The following SH3D19 variants were observed in gnomAD, a reference collection of about 807,000 sequenced individuals.
SH3D19 encodes the protein SH3 domain-containing protein 19.
A neutral mutation model predicts 112.1 loss-of-function variants in SH3D19; 58 were observed. The ratio of observed to expected loss-of-function variants is 0.52; its 90% CI spans 0.42 to 0.64. The LOEUF (loss-of-function observed/expected upper bound fraction) is 0.64. Among genes scored for constraint, SH3D19 ranks in the 30% least tolerant of loss-of-function variants. SH3D19 has a pLI of 0.00. For synonymous variants in SH3D19, 391 were observed against 448.5 expected (o/e 0.87, Z 1.62); for missense variants, 1,090 against 1,263.4 (o/e 0.86, Z 2.08).
chr4:151,313,170 G>A (rs1032338009), intron 1 of SH3D19, among the ~76,000 whole-genome samples: 2 of 151,426 alleles, frequency 1.3e-5, no homozygotes. Context: ...ATCTCCAGGT[G>A]ATCTGTAGGC....
chr4:151,217,262 T>C (rs1767284274), intron 2 of SH3D19, among the ~76,000 whole-genome samples: 1 of 152,200 alleles, frequency 6.6e-6, no homozygotes, highest in Non-Finnish European at 1.5e-5. Context: ...ATCTTTTGCT[T>C]TTAGCTAATC....
In SH3D19 at chr4:151,133,451, C is replaced by T. The variant is rs1439616028; in HGVS notation, c.2487-215G>A. Reference sequence around the variant, plus strand: ...TCAGAAAGGCTGAAGCTCAAGGTCGCGGAGTGCACGCAGCTGGGTGGTTAG... The same window carrying T: ...TCAGAAAGGCTGAAGCTCAAGGTCGTGGAGTGCACGCAGCTGGGTGGTTAG... On this transcript the variant is annotated intron_variant, in intron 15 of 19. Coordinates refer to ENST00000604030, the MANE Select transcript of SH3D19 (RefSeq NM_001378122.1). Among the ~76,000 whole-genome samples the T allele has an allele frequency of 5.3e-5, 8 of 152,086 alleles. No individual in the cohort carries two copies. The South Asian group carries it at 8.3e-4, about 16-fold the overall frequency.
intron 17 of SH3D19, among the ~76,000 whole-genome samples, chr4:151,129,016 A>G (rs1338112877): frequency 6.6e-6 from 1 of 152,222 alleles, no homozygotes; most frequent in Non-Finnish European, 1.5e-5. Flanking sequence ...ATTTATGCAT[A>G]GTATTTGACA....
At chr4:151,267,248 T>A (rs370115495) in intron 1 of SH3D19, among the ~76,000 whole-genome samples, 16 of 151,994 alleles carry the variant, frequency 1.1e-4, no homozygotes, top group Non-Finnish European at 2.1e-4. Context: ...GGTGGGAGGA[T>A]TGATTAAGCC....
At chr4:151,273,927 G>A (rs1474504101) in intron 1 of SH3D19, among the ~76,000 whole-genome samples, 1 of 152,078 alleles carries the variant, frequency 6.6e-6, no homozygotes, top group Non-Finnish European at 1.5e-5. Context: ...TCAATGAAAC[G>A]AGCTGGAGAA....
chr4:151,308,534 G>C (rs915919812), intron 1 of SH3D19, among the ~76,000 whole-genome samples: 1 of 152,234 alleles, frequency 6.6e-6, no homozygotes, highest in African/African-American at 2.4e-5. Flanking sequence ...GTTTGAAAAG[G>C]CAGCTCTCTA....
At position 151,175,237 on chromosome 4, in the gene SH3D19, G is replaced by A; in HGVS notation, c.967C>T (p.Pro323Ser). 1 of 1,614,198 alleles carries A rather than the reference G, an allele frequency of 6.2e-7. No individual in the cohort carries two copies. Among genetic ancestry groups the A allele is most frequent in the Non-Finnish European group, 8.5e-7 (1 of 1,180,026 alleles). ...KKPEITPRSLPPKPTVSSGKP... is the reference protein window; with the variant it reads ...KKPEITPRSLSPKPTVSSGKP... ...CCTGAGGAAACAGTAGGCTTTGGAG[G>A]AAGTGAACGTGGAGTAATTTCTGGT... Residue 323 changes from proline (P) to serine (S), a missense_variant, in exon 7 of 20, where the codon CCT becomes TCT. Physicochemically the swap from Pro to Ser is moderately conservative, Grantham distance 74. Transcript: ENST00000604030.
chr4:151,143,905 C>T lies in SH3D19; in HGVS notation c.2223+5G>A, dbSNP rs1753454561. ...ATGAGGGCTGTAACAATATTAATTC[C>T]TTACGTTTGGTCTGCTTCTAAGATG... On this transcript the variant is annotated splice_donor_5th_base_variant and intron_variant, in intron 12 of 19. Transcript: ENST00000604030. 2 of 1,610,242 alleles carry T rather than the reference C, an allele frequency of 1.2e-6. No individual in the cohort carries two copies. Among genetic ancestry groups the T allele is most frequent in the East Asian group, 2.2e-5 (1 of 44,824 alleles).
At chr4:151,173,690 A>C (rs1161430920) in intron 7 of SH3D19, among the ~76,000 whole-genome samples, 1 of 152,208 alleles carries the variant, frequency 6.6e-6, no homozygotes, top group African/African-American at 2.4e-5. Flanking sequence ...GTGCATGATG[A>C]ATATTTAATA....
At chr4:151,149,709 A>C (rs1754572180) in intron 9 of SH3D19, 148 bp from the exon 10 acceptor site, 3 of 648,982 alleles carry the variant, frequency 4.6e-6, no homozygotes, top group Non-Finnish European at 8.0e-6. Context: ...TCAGCCTTAA[A>C]CAATATTAAC....
At chr4:151,165,510 A>C (rs1757854318) in intron 8 of SH3D19, 79 bp downstream of exon 8, 2 of 1,143,784 alleles carry the variant, frequency 1.7e-6, no homozygotes, top group Non-Finnish European at 2.6e-6. Context: ...CATAATTTCA[A>C]AAGCAGACAT....
intron 10 of SH3D19, 113 bp downstream of exon 10, chr4:151,149,387 T>A: frequency 1.2e-6 from 1 of 813,062 alleles, no homozygotes; most frequent in Non-Finnish European, 2.0e-6. Flanking sequence ...ATCGGTGAGA[T>A]TATTTTATCT....
At chr4:151,181,978 T>C (rs1403480750) in intron 3 of SH3D19, among the ~76,000 whole-genome samples, 1 of 151,880 alleles carries the variant, frequency 6.6e-6, no homozygotes. Context: ...AAAAACCCGC[T>C]TGTAGGGTTT....
intron 1 of SH3D19, among the ~76,000 whole-genome samples, chr4:151,280,715 TAGG>T (rs1262481463): frequency 6.6e-6 from 1 of 151,830 alleles, no homozygotes; most frequent in South Asian, 2.1e-4. Context: ...CACTTGAGCC[TAGG>T]AGTTCAAGGC....
chr4:151,198,915 A>G (rs1763975035), intron 2 of SH3D19, among the ~76,000 whole-genome samples: 2 of 152,144 alleles, frequency 1.3e-5, no homozygotes, highest in Non-Finnish European at 2.9e-5. Flanking sequence ...TGGAAATTGC[A>G]ACAGAAACTT....
At chr4:151,314,068 G>A (rs1036382512) in intron 1 of SH3D19, among the ~76,000 whole-genome samples, 7 of 152,210 alleles carry the variant, frequency 4.6e-5, no homozygotes, top group African/African-American at 9.6e-5. Flanking sequence ...CTTGATTAAC[G>A]TATCTTCTGG....
At chr4:151,289,140 A>G (rs971713009) in intron 1 of SH3D19, among the ~76,000 whole-genome samples, 4 of 152,244 alleles carry the variant, frequency 2.6e-5, no homozygotes, top group African/African-American at 9.6e-5. Flanking sequence ...TGAACAAATA[A>G]TAGTCATTTC....
At chr4:151,231,927 T>C (rs1256982673) in intron 1 of SH3D19, among the ~76,000 whole-genome samples, 1 of 152,210 alleles carries the variant, frequency 6.6e-6, no homozygotes, top group Non-Finnish European at 1.5e-5. Context: ...CTCATGCCTG[T>C]AATCCCAGCA....
At chr4:151,162,171 C>T (rs1382399644) in intron 8 of SH3D19, among the ~76,000 whole-genome samples, 1 of 151,160 alleles carries the variant, frequency 6.6e-6, no homozygotes, top group East Asian at 2.0e-4. Context: ...CCCAACAGGC[C>T]CCGGTGTGTG....
Sources: allele counts gnomAD v4.1 joint callset (sites outside exome capture counted in the v4.1 genomes callset), GRCh38; gene constraint gnomAD v4.1.1; transcripts MANE v1.5; gene names NCBI Gene and HGNC (gene_info 2026-07-23, HGNC 2026-07-21).